Variants in CTNNA3 observed in about 807,000 individuals in gnomAD.
CTNNA3 encodes the protein catenin alpha 3, also known as catenin alpha-3.
Under a neutral mutation model 95.7 loss-of-function variants are expected in CTNNA3, and 76 were observed. The observed-to-expected ratio is 0.79, with a 90% CI of 0.66 to 0.96. The LOEUF is 0.96. CTNNA3 is among the 40% of genes least tolerant of loss of function. The pLI is 0.00. For synonymous variants in CTNNA3, 431 were observed against 374.4 expected (o/e 1.15, Z -1.74); for missense variants, 1,191 against 1,089.8 (o/e 1.09, Z -1.31).
At chr10:66,899,383 A>G (rs1173986198) in intron 7 of CTNNA3, among the ~76,000 whole-genome samples, 2 of 152,192 alleles carry the variant, frequency 1.3e-5, no homozygotes, top group African/African-American at 4.8e-5. Flanking sequence ...AACTGAAATC[A>G]AGATGGTCGT....
chr10:66,877,957 C>A (rs192148211), intron 7 of CTNNA3, among the ~76,000 whole-genome samples: 18 of 152,172 alleles, frequency 1.2e-4, no homozygotes, highest in Admixed American at 1.0e-3. Context: ...GGCACTAGTG[C>A]TTTGTATAAT....
At chr10:67,133,178 T>C (rs1030234408) in intron 7 of CTNNA3, among the ~76,000 whole-genome samples, 7 of 151,154 alleles carry the variant, frequency 4.6e-5, no homozygotes, top group African/African-American at 1.7e-4. Flanking sequence ...AACTCATATG[T>C]ACTCCGTAAA....
At chr10:66,510,552 G>A (rs1177318726) in intron 11 of CTNNA3, among the ~76,000 whole-genome samples, 2 of 129,218 alleles carry the variant, frequency 1.5e-5, no homozygotes, top group Non-Finnish European at 3.7e-5. Context: ...GGTCTTTATT[G>A]TGTTGAGGTA....
chr10:66,477,997 G>C (rs1483610976), intron 11 of CTNNA3, among the ~76,000 whole-genome samples: 1 of 152,060 alleles, frequency 6.6e-6, no homozygotes, highest in Non-Finnish European at 1.5e-5. Context: ...TAAAGTGTTT[G>C]AATAGATAAA....
intron 7 of CTNNA3, among the ~76,000 whole-genome samples, chr10:67,127,478 G>T (rs573783842): frequency 6.6e-6 from 1 of 152,044 alleles, no homozygotes; most frequent in Non-Finnish European, 1.5e-5. Flanking sequence ...TCCTTCTCTA[G>T]CACTGACCTC....
At chr10:67,433,694 AT>A (rs1463854754) in intron 5 of CTNNA3, among the ~76,000 whole-genome samples, 3 of 152,100 alleles carry the variant, frequency 2.0e-5, no homozygotes, top group African/African-American at 7.2e-5. Flanking sequence ...GGATGAATAT[AT>A]CATGAAAATG....
chr10:66,546,071 T>C (rs1482906048), intron 10 of CTNNA3, among the ~76,000 whole-genome samples: 1 of 151,908 alleles, frequency 6.6e-6, no homozygotes, highest in Admixed American at 6.6e-5. Context: ...TGGATGTATT[T>C]TGATAAACAC....
chr10:67,601,551 A>G (rs1014190124), intron 3 of CTNNA3, among the ~76,000 whole-genome samples: 10 of 150,446 alleles, frequency 6.6e-5, no homozygotes, highest in African/African-American at 2.4e-4. Flanking sequence ...AGGGTTGGGG[A>G]CCCCTGGCTT....
intron 1 of CTNNA3, among the ~76,000 whole-genome samples, chr10:67,710,505 T>A (rs1334778029): frequency 6.6e-6 from 1 of 152,162 alleles, no homozygotes; most frequent in African/African-American, 2.4e-5. Flanking sequence ...CCCTTTTCTC[T>A]CTGAAGCTCC....
chr10:66,266,435 T>C (rs1239526379), intron 13 of CTNNA3, among the ~76,000 whole-genome samples: 1 of 152,018 alleles, frequency 6.6e-6, no homozygotes, highest in African/African-American at 2.4e-5. Context: ...AATAAGGCAT[T>C]TGAAGGAGAA....
chr10:66,282,149 A>G (rs1452970111), intron 12 of CTNNA3, among the ~76,000 whole-genome samples: 1 of 151,802 alleles, frequency 6.6e-6, no homozygotes, highest in African/African-American at 2.4e-5. Context: ...ACCACTTTGC[A>G]CTGAGAAACC....
intron 7 of CTNNA3, among the ~76,000 whole-genome samples, chr10:66,994,142 C>T (rs892010910): frequency 6.6e-6 from 1 of 152,094 alleles, no homozygotes; most frequent in Non-Finnish European, 1.5e-5. Flanking sequence ...GTTGCCATCA[C>T]TATATTCTTA....
intron 1 of CTNNA3, among the ~76,000 whole-genome samples, chr10:67,757,963 G>C (rs960691794): frequency 1.3e-5 from 2 of 152,106 alleles, no homozygotes; most frequent in Non-Finnish European, 2.9e-5. Context: ...ATCTCCAGAA[G>C]TGATAAACAT....
At chr10:67,166,497 A>C (rs1861775368) in intron 7 of CTNNA3, among the ~76,000 whole-genome samples, 1 of 152,150 alleles carries the variant, frequency 6.6e-6, no homozygotes, top group Admixed American at 6.5e-5. Context: ...AAGAACATGA[A>C]AGATTTGCAG....
Position 67,584,536 on chromosome 10 carries a change from G to A in CTNNA3, c.292+22321C>T, listed in dbSNP as rs972262538. Among the ~76,000 whole-genome samples the A allele has an allele frequency of 2.0e-5, 3 of 152,358 alleles. No homozygotes were observed. In the South Asian group the frequency reaches 6.2e-4, roughly 32 times the overall value. ...GGTCATGGACCCACTTGAGGAGGCAGTCTGTCCATTCTCAGATCTCAAACT... is the reference window on the plus strand; with the variant it reads ...GGTCATGGACCCACTTGAGGAGGCAATCTGTCCATTCTCAGATCTCAAACT... On this transcript the variant is annotated intron_variant, in intron 3 of 17. Transcript: ENST00000433211.
chr10:66,590,444 T>A (rs1444027212), intron 10 of CTNNA3, among the ~76,000 whole-genome samples: 4 of 152,072 alleles, frequency 2.6e-5, no homozygotes, highest in African/African-American at 4.8e-5. Flanking sequence ...AAAAGTGAAA[T>A]TCAGATTATC....
At chr10:66,285,338 G>A (rs1180547603) in intron 12 of CTNNA3, among the ~76,000 whole-genome samples, 1 of 151,832 alleles carries the variant, frequency 6.6e-6, no homozygotes, top group African/African-American at 2.4e-5. Flanking sequence ...ATTAGCCTGA[G>A]TGTCCACCTT....
Position 65,915,574 on chromosome 10 carries a change from A to T in CTNNA3, c.*4756T>A, listed in dbSNP as rs908373764. On this transcript the variant is annotated 3_prime_UTR_variant, in exon 18 of 18. Coordinates refer to ENST00000433211, the MANE Select transcript of CTNNA3 (RefSeq NM_013266.4). ...GTTTTGTTCCCACAAACCAGTGGGG[A>T]CTGCTAGATGCCATAATGCAGCCAG... is the stretch of plus-strand genomic sequence containing the variant. 6.6e-6 allele frequency: 1 copy of T among 152,092 alleles called. No homozygotes were observed. The highest frequency in any genetic ancestry group is 6.6e-5 in the Admixed American group (1 of 15,252). The allele number at this position is 152,092 out of a possible 1,614,324, so 9.4% of individuals were successfully genotyped here. A position where few individuals can be genotyped will look rare whatever the true frequency, so the allele number is the denominator to read the frequency against.
At chr10:66,178,417 A>ATATATATATATATATATATATATG (rs2085844583) in intron 13 of CTNNA3, among the ~76,000 whole-genome samples, 1 of 56,842 alleles carries the variant, frequency 1.8e-5, no homozygotes, top group African/African-American at 8.8e-5. Flanking sequence ...ATATATATAT[A>ATATATATATATATATATATATATG]TATATATATA....
Sources: gnomAD v4.1 joint callset for allele counts (sites outside exome capture counted in the v4.1 genomes callset) on GRCh38, gnomAD v4.1.1 for gene constraint, MANE v1.5 for transcripts, NCBI Gene and HGNC (gene_info 2026-07-23, HGNC 2026-07-21) for gene names.